ADAMTSL2: variants seen among roughly 807,000 people sequenced by gnomAD.
ADAMTSL2 encodes the protein ADAMTS like 2.
A neutral mutation model predicts 117.0 loss-of-function variants in ADAMTSL2; 55 were observed. That is an observed-to-expected ratio of 0.47 (90% CI 0.38 to 0.59). The LOEUF (loss-of-function observed/expected upper bound fraction) is 0.59, where lower values mean the gene tolerates loss of function less well. ADAMTSL2 is among the 20% of genes least tolerant of loss of function. ADAMTSL2 has a pLI of 0.00. For synonymous variants in ADAMTSL2, 572 were observed against 566.4 expected (o/e 1.01, Z -0.14); for missense variants, 1,182 against 1,354.5 (o/e 0.87, Z 2.00).
intron 12 of ADAMTSL2, among the ~76,000 whole-genome samples, chr9:133,563,838 AGAGAG>A (rs1830813726): frequency 2.3e-5 from 1 of 42,872 alleles, no homozygotes; most frequent in Non-Finnish European, 5.1e-5. Flanking sequence ...AGAGAGAGAG[AGAGAG>A]GGAGAGAGAG....
In ADAMTSL2 at chr9:133,540,613, T is replaced by C; in HGVS notation, c.428T>C (p.Ile143Thr). 1 of 1,613,524 alleles carries C rather than the reference T, an allele frequency of 6.2e-7. No individual in the cohort carries two copies. Among genetic ancestry groups the C allele is most frequent in the Non-Finnish European group, 8.5e-7 (1 of 1,180,008 alleles). Residue 143 changes from isoleucine (I) to threonine (T), a missense_variant, in exon 6 of 19, where the codon ATC (isoleucine) becomes ACC (threonine). Ile to Thr is a moderately conservative substitution (Grantham distance 89). This residue lies in a region of ADAMTSL2 where 372 missense variants were observed against 463.4 expected (regional missense o/e 0.80). Transcript: ENST00000651351. ...KPLYPDDYVH[I>T]SSKPCDLHCT... ...CCTCCACCAGATGACTATGTCCACA[T>C]CTCCAGCAAACCGTGTGACCTGCAC...
At chr9:133,562,595 G>C (rs1397360824) in intron 12 of ADAMTSL2, among the ~76,000 whole-genome samples, 17 of 110,024 alleles carry the variant, frequency 1.5e-4, no homozygotes, top group Non-Finnish European at 3.1e-4. Flanking sequence ...GGCTCGCACC[G>C]CCGTGGGCGG....
At chr9:133,569,386 C>T in intron 15 of ADAMTSL2, 22 bp from the exon 16 acceptor site, 2 of 1,611,702 alleles carry the variant, frequency 1.2e-6, no homozygotes, top group Non-Finnish European at 1.7e-6. Flanking sequence ...TGGATGTCCC[C>T]TGCCTGTCCT....
upstream of ADAMTSL2, among the ~76,000 whole-genome samples, chr9:133,533,621 C>T (rs1235371519): frequency 7.2e-5 from 11 of 152,300 alleles, no homozygotes. Context: ...GGCTTTCCTT[C>T]CCAGCCTTTC....
intron 12 of ADAMTSL2, among the ~76,000 whole-genome samples, chr9:133,565,322 C>G (rs984046819): frequency 6.6e-6 from 1 of 152,180 alleles, no homozygotes. Flanking sequence ...GTCACGGTCA[C>G]GTCACCCCAG....
chr9:133,567,073 C>T lies in ADAMTSL2; in HGVS notation c.1874+11C>T. 2.5e-6 allele frequency: 4 copies of T among 1,603,680 alleles called. No homozygotes were observed. The highest frequency in any genetic ancestry group is 2.2e-5 in the East Asian group (1 of 44,816). On this transcript the variant is annotated intron_variant, in intron 13 of 18. Coordinates refer to ENST00000651351, the MANE Select transcript of ADAMTSL2 (RefSeq NM_014694.4). ...GGAGTGCCAGCCCAGGTACCTGCCA[C>T]CAGGGGCCCTGGGCAGGGGGTCGGC...
intron 2 of ADAMTSL2, 104 bp from the exon 3 acceptor site, chr9:133,537,301 T>C: frequency 1.6e-6 from 2 of 1,235,180 alleles, no homozygotes; most frequent in Non-Finnish European, 2.1e-6. Context: ...GGGGGCTGTG[T>C]CTTCTGGTCC....
chr9:133,537,515 G>A lies in ADAMTSL2; in HGVS notation c.201G>A (p.Val67=). Residue 67 remains valine, a synonymous_variant, in exon 3 of 19, where the codon GTG becomes GTA. Transcript: ENST00000651351. ...GTTCCCGCAGTTGCGGGGGTGGGGT[G>A]ACATCCCAGGAGCGGCACTGCCTGC... is the stretch of plus-strand genomic sequence containing the variant. ...TACSRSCGGG[V]TSQERHCLQQ... 7.4e-7 allele frequency: 1 copy of A among 1,351,190 alleles called. No individual in the cohort carries two copies. The highest frequency in any genetic ancestry group is 9.6e-7 in the Non-Finnish European group (1 of 1,042,776). The allele number at this position is 1,351,190 out of a possible 1,614,324, so 83.7% of individuals were successfully genotyped here.
intron 13 of ADAMTSL2, among the ~76,000 whole-genome samples, 187 bp downstream of exon 13, chr9:133,567,249 A>G (rs889738453): frequency 1.3e-5 from 2 of 152,170 alleles, no homozygotes; most frequent in Non-Finnish European, 1.5e-5. Context: ...AGGAGTTGCA[A>G]TTTAATCTGT....
At position 133,555,940 on chromosome 9, in the gene ADAMTSL2, A is replaced by G. The variant is rs1219496350; in HGVS notation, c.1649+10A>G. 1 of 1,609,204 alleles carries G rather than the reference A, an allele frequency of 6.2e-7. No individual in the cohort carries two copies. The highest frequency in any genetic ancestry group is 8.5e-7 in the Non-Finnish European group (1 of 1,179,728). ...GGACTCACAAGGCCAGGTAGGAGGC[A>G]CTTTCCTGAGCCCTGTCCAGGGCCC... On this transcript the variant is annotated intron_variant, in intron 11 of 18. Coordinates refer to ENST00000651351, the MANE Select transcript of ADAMTSL2 (RefSeq NM_014694.4).
At chr9:133,563,007 C>T (rs1215286756) in intron 12 of ADAMTSL2, among the ~76,000 whole-genome samples, 2 of 151,834 alleles carry the variant, frequency 1.3e-5, no homozygotes, top group Non-Finnish European at 2.9e-5. Context: ...CTGTGGGCGG[C>T]GTGGTGGGCA....
chr9:133,555,606 A>T lies in ADAMTSL2; in HGVS notation c.1325A>T (p.Glu442Val). 2 of 1,613,336 alleles carry T rather than the reference A, an allele frequency of 1.2e-6. No homozygotes were observed. The highest frequency in any genetic ancestry group is 1.7e-6 in the Non-Finnish European group (2 of 1,180,018). Reference protein sequence around the residue: ...TPLTGDKDDEEVDTHFASQEF... With the variant: ...TPLTGDKDDEVVDTHFASQEF... ...CTCACCGGGGACAAGGATGACGAAGAGGTTGACACCCACTTCGCCTCCCAG... is the reference window on the plus strand; with the variant it reads ...CTCACCGGGGACAAGGATGACGAAGTGGTTGACACCCACTTCGCCTCCCAG... Residue 442 changes from glutamate to valine, a missense_variant, in exon 11 of 19, where the codon GAG becomes GTG. By Grantham distance (121) the Glu-to-Val change is moderately radical. This residue lies in a region of ADAMTSL2 where 345 missense variants were observed against 325.8 expected (regional missense o/e 1.06). Transcript: ENST00000651351.
In ADAMTSL2 at chr9:133,573,867, G is replaced by C; in HGVS notation, c.2617G>C (p.Val873Leu). The change falls in exon 18 of 19, where the codon GTG becomes CTG. Residue 873 changes from valine (V) to leucine (L), a missense_variant. Val to Leu is a conservative substitution (Grantham distance 32). Coordinates refer to ENST00000651351, the MANE Select transcript of ADAMTSL2 (RefSeq NM_014694.4). ...SECTKTCGVG[V>L]RMRDVKCYQG... ...GTGCACCAAGACCTGCGGGGTGGGC[G>C]TGAGGATGCGAGACGTCAAGTGCTA... The C allele has an allele frequency of 6.2e-7, 1 of 1,614,110 alleles. No homozygotes were observed. Among genetic ancestry groups the C allele is most frequent in the South Asian group, 1.1e-5 (1 of 91,082 alleles).
chr9:133,573,827 G>C lies in ADAMTSL2; in HGVS notation c.2593-16G>C. ...TCAGGAGGCTTTCCCCATGCCTTCT[G>C]TCTCTCCCACACCAGTGCACCAAGA... On this transcript the variant is annotated splice_polypyrimidine_tract_variant and intron_variant, in intron 17 of 18. Transcript: ENST00000651351. 1 of 1,613,968 alleles carries C rather than the reference G, an allele frequency of 6.2e-7. No homozygotes were observed. Among genetic ancestry groups the C allele is most frequent in the Middle Eastern group, 1.7e-4 (1 of 6,060 alleles).
chr9:133,575,159 A>G lies in ADAMTSL2; in HGVS notation c.*295A>G. The G allele has an allele frequency of 2.2e-6, 1 of 446,050 alleles. No homozygotes were observed. The allele number at this position is 446,050 out of a possible 1,614,324, so 27.6% of individuals were successfully genotyped here. Reference sequence around the variant, plus strand: ...GGCTCCCACTCCCCAGCCCCCCAGCAGCCCCCAGCCGAGGGGCCCAGGGCC... The same window carrying G: ...GGCTCCCACTCCCCAGCCCCCCAGCGGCCCCCAGCCGAGGGGCCCAGGGCC... On this transcript the variant is annotated 3_prime_UTR_variant, in exon 19 of 19. Coordinates refer to ENST00000651351, the MANE Select transcript of ADAMTSL2 (RefSeq NM_014694.4).
At chr9:133,551,413 G>A (rs1830480465) in intron 9 of ADAMTSL2, among the ~76,000 whole-genome samples, 1 of 152,110 alleles carries the variant, frequency 6.6e-6, no homozygotes, top group Non-Finnish European at 1.5e-5. Flanking sequence ...TCTGGCCCTG[G>A]GTGTGCCTAG....
Position 133,540,860 on chromosome 9 carries a change from C to T in ADAMTSL2, c.559-18C>T, listed in dbSNP as rs764317924. ...CACAGCGCCCTCCCAGCAGCCCTCT[C>T]CCTCTCCCTTCCTGCAGCCCATCGG... On this transcript the variant is annotated intron_variant, in intron 6 of 18. Coordinates refer to ENST00000651351, the MANE Select transcript of ADAMTSL2 (RefSeq NM_014694.4). 3 of 1,613,410 alleles carry T rather than the reference C, an allele frequency of 1.9e-6. No individual in the cohort carries two copies. Among genetic ancestry groups the T allele is most frequent in the Non-Finnish European group, 1.7e-6 (2 of 1,179,988 alleles).
Position 133,540,967 on chromosome 9 carries a change from G to A in ADAMTSL2, c.648G>A (p.Val216=). 1.9e-6 allele frequency: 3 copies of A among 1,613,464 alleles called. No individual in the cohort carries two copies. The highest frequency in any genetic ancestry group is 1.7e-6 in the Non-Finnish European group (2 of 1,180,036). The change falls in exon 7 of 19, where the codon GTG becomes GTA. Residue 216 remains valine, a synonymous_variant. Transcript: ENST00000651351. ...CQGDGSSCTH[V]TGNYRKGNAH... ...GGGACGGTAGCAGCTGCACCCACGT[G>A]ACGGGCAACTATCGCAAGGGGAATG...
intron 11 of ADAMTSL2, among the ~76,000 whole-genome samples, chr9:133,560,969 A>G (rs1390299191): frequency 6.6e-6 from 1 of 152,208 alleles, no homozygotes; most frequent in Non-Finnish European, 1.5e-5. Context: ...GAGATGGAAA[A>G]CAATGCCAAT....
Sources: allele counts gnomAD v4.1 joint callset (sites outside exome capture counted in the v4.1 genomes callset), GRCh38; gene constraint gnomAD v4.1.1; regional missense constraint gnomAD v4.1.1; transcripts MANE v1.5; gene names NCBI Gene and HGNC (gene_info 2026-07-23, HGNC 2026-07-21).